PRMT3: variants seen among roughly 807,000 people sequenced by gnomAD.
PRMT3 encodes the protein protein arginine N-methyltransferase 3.
In PRMT3, 62 loss-of-function variants were observed where a neutral mutation model predicts 71.9. That is an observed-to-expected ratio of 0.86 (90% CI 0.70 to 1.07). The LOEUF (loss-of-function observed/expected upper bound fraction) is 1.07. Ranked by LOEUF, PRMT3 falls within the 50% of genes least tolerant of loss-of-function variation. PRMT3 has a pLI of 0.00. For synonymous variants in PRMT3, 213 were observed against 220.4 expected (o/e 0.97, Z 0.30); for missense variants, 663 against 643.0 (o/e 1.03, Z -0.34).
At chr11:20,424,292 A>G (rs115061637) in intron 9 of PRMT3, among the ~76,000 whole-genome samples, 2,901 of 152,166 alleles carry the variant, frequency 0.019, 112 homozygotes, top group African/African-American at 0.066. Flanking sequence ...TCTTGGCTGA[A>G]TTTAAAGCTA....
Position 20,491,385 on chromosome 11 carries a change from ATTTGAGATTGCACC to A in PRMT3, c.1348-2531_1348-2518del, listed in dbSNP as rs148127096. Among the ~76,000 whole-genome samples, 1,456 of 152,240 alleles carry A rather than the reference ATTTGAGATTGCACC, an allele frequency of 9.6e-3. 31 individuals are homozygous for A. The highest frequency in any genetic ancestry group is 0.034 in the African/African-American group (1,405 of 41,540). The stretch of plus-strand genomic sequence containing the variant: ...TTCCTGATTCTTTGTATGTTGAGTA[ATTTGAGATTGCACC>A]TTAGATGTTGTGCATGCTATGTTGT... On this transcript the variant is annotated intron_variant, in intron 13 of 15. Transcript: ENST00000331079.
intron 8 of PRMT3, 63 bp downstream of exon 8, chr11:20,403,047 CT>C: frequency 8.2e-7 from 1 of 1,216,916 alleles, no homozygotes; most frequent in Non-Finnish European, 1.2e-6. Context: ...GAAATCCTCT[CT>C]TGGCTCATCA....
chr11:20,459,904 G>C (rs1292826777), intron 11 of PRMT3, among the ~76,000 whole-genome samples: 1 of 152,160 alleles, frequency 6.6e-6, no homozygotes, highest in Non-Finnish European at 1.5e-5. Flanking sequence ...ACAATCCAGA[G>C]GCTTTACCTG....
chr11:20,410,502 G>A (rs1389026267), intron 9 of PRMT3, among the ~76,000 whole-genome samples: 1 of 151,086 alleles, frequency 6.6e-6, no homozygotes, highest in East Asian at 1.9e-4. Context: ...AAAATAAATA[G>A]GTAGTTGTGT....
At chr11:20,474,021 G>T (rs942573846) in intron 13 of PRMT3, among the ~76,000 whole-genome samples, 1 of 152,086 alleles carries the variant, frequency 6.6e-6, no homozygotes, top group African/African-American at 2.4e-5. Context: ...ACCAGTGAAG[G>T]CTGCAAAACA....
chr11:20,407,487 G>T (rs1849096641), intron 8 of PRMT3: 1 of 157,464 alleles, frequency 6.4e-6, no homozygotes, highest in African/African-American at 2.4e-5. Context: ...AATTCTTAAT[G>T]TTTATAAAAG....
At chr11:20,412,404 C>G (rs961930577) in intron 9 of PRMT3, among the ~76,000 whole-genome samples, 2 of 152,012 alleles carry the variant, frequency 1.3e-5, no homozygotes, top group Non-Finnish European at 2.9e-5. Flanking sequence ...TGAACCCCCC[C>G]CCCACCTTTG....
intron 13 of PRMT3, among the ~76,000 whole-genome samples, chr11:20,466,129 GTTC>G (rs755903469): frequency 6.6e-6 from 1 of 152,180 alleles, no homozygotes; most frequent in Non-Finnish European, 1.5e-5. Context: ...TCATTGAAAT[GTTC>G]TTTTTTTCTA....
intron 13 of PRMT3, among the ~76,000 whole-genome samples, chr11:20,473,937 G>A (rs939912967): frequency 1.3e-5 from 2 of 152,016 alleles, no homozygotes; most frequent in Non-Finnish European, 2.9e-5. Context: ...TGTTGTTTTC[G>A]GTTTTTAACA....
intron 10 of PRMT3, among the ~76,000 whole-genome samples, chr11:20,444,035 C>T (rs115913563): frequency 0.02 from 3,118 of 152,116 alleles, 125 homozygotes; most frequent in African/African-American, 0.071. Flanking sequence ...CTTCTTCTTG[C>T]GTGGAAGTTG....
At chr11:20,471,550 C>G (rs1850645527) in intron 13 of PRMT3, among the ~76,000 whole-genome samples, 1 of 152,016 alleles carries the variant, frequency 6.6e-6, no homozygotes. Context: ...CTGAGCTCTC[C>G]ATTCCGTTCC....
At chr11:20,454,232 A>G in intron 11 of PRMT3, among the ~76,000 whole-genome samples, 1 of 152,092 alleles carries the variant, frequency 6.6e-6, no homozygotes, top group African/African-American at 2.4e-5. Flanking sequence ...TTCCTACTAA[A>G]ATGTATTTTT....
rs896708326 is a variant in PRMT3, at chr11:20,413,602, C to T, written c.893+5570C>T. Among the ~76,000 whole-genome samples, 7 of 152,220 alleles carry T rather than the reference C, an allele frequency of 4.6e-5. No homozygotes were observed. In the South Asian group the frequency reaches 1.5e-3, roughly 32 times the overall value. ...AGTAGTGGTCATCTGTTTGGCTTGGCATCAATGCCTCAAATAATATTTTAC... is the reference window on the plus strand; with the variant it reads ...AGTAGTGGTCATCTGTTTGGCTTGGTATCAATGCCTCAAATAATATTTTAC... On this transcript the variant is annotated intron_variant, in intron 9 of 15. Transcript: ENST00000331079.
chr11:20,476,878 C>T (rs1234740518), intron 13 of PRMT3, among the ~76,000 whole-genome samples: 1 of 151,670 alleles, frequency 6.6e-6, no homozygotes, highest in African/African-American at 2.4e-5. Context: ...CTTCTCTTCC[C>T]TTTTAAGGGT....
In PRMT3 at chr11:20,420,156, A is replaced by C. The variant is rs1849395061; in HGVS notation, c.894-6610A>C. On this transcript the variant is annotated intron_variant, in intron 9 of 15. Transcript: ENST00000331079. ...CACAGCACTCTAGCCTGGGTGATAG[A>C]GCAAGACTCTGTCTCAAAAAAAGAA... Among the ~76,000 whole-genome samples, 7 of 152,344 alleles carry C rather than the reference A, an allele frequency of 4.6e-5. No individual in the cohort carries two copies. The South Asian group carries it at 1.4e-3, about 32-fold the overall frequency.
chr11:20,487,844 A>G (rs551882086), intron 13 of PRMT3, among the ~76,000 whole-genome samples: 12 of 152,216 alleles, frequency 7.9e-5, no homozygotes, highest in Non-Finnish European at 1.8e-4. Context: ...CCACTTTAAT[A>G]AGCAATTTTG....
chr11:20,485,431 G>C (rs1031527201), intron 13 of PRMT3, among the ~76,000 whole-genome samples: 1 of 151,976 alleles, frequency 6.6e-6, no homozygotes, highest in African/African-American at 2.4e-5. Flanking sequence ...AGCAGACATA[G>C]GTTTTGAAAA....
At chr11:20,460,645 T>TTGTA (rs1403152392) in intron 11 of PRMT3, among the ~76,000 whole-genome samples, 1 of 152,074 alleles carries the variant, frequency 6.6e-6, no homozygotes, top group Non-Finnish European at 1.5e-5. Context: ...TTTCAGACCT[T>TTGTA]TGTATTCAGC....
chr11:20,490,363 TTTTC>T (rs796304467), intron 13 of PRMT3, among the ~76,000 whole-genome samples: 48 of 152,326 alleles, frequency 3.2e-4, no homozygotes, highest in African/African-American at 1.1e-3. Context: ...TATCTGTCAT[TTTTC>T]TTTGTCTTAA....
Sources: gnomAD v4.1 joint callset for allele counts (sites outside exome capture counted in the v4.1 genomes callset) on GRCh38, gnomAD v4.1.1 for gene constraint, MANE v1.5 for transcripts, NCBI Gene and HGNC (gene_info 2026-07-23, HGNC 2026-07-21) for gene names.